Variants in PDZD9 observed in about 807,000 individuals in gnomAD.
PDZD9 encodes the protein PDZ domain-containing protein 9.
Under a neutral mutation model 16.3 loss-of-function variants are expected in PDZD9, and 13 were observed. The ratio of observed to expected loss-of-function variants is 0.80; its 90% confidence interval spans 0.52 to 1.27. The LOEUF (loss-of-function observed/expected upper bound fraction) is 1.27. Among genes scored for constraint, PDZD9 ranks in the 50% most tolerant of loss-of-function variants. PDZD9 has a pLI of 0.00. For missense variants in PDZD9, 288 were observed against 310.9 expected (o/e 0.93, Z 0.55); for synonymous variants, 120 against 111.0 (o/e 1.08, Z -0.51).
chr16:21,980,795 T>C (rs983041198), downstream of PDZD9: 2 of 1,447,282 alleles, frequency 1.4e-6, no homozygotes, highest in Non-Finnish European at 1.9e-6. Context: ...GGCAGTGTAT[T>C]ATTCTTATGT....
At chr16:21,967,996 ATTCC>A in the PDZD9 span, among the ~76,000 whole-genome samples, 53 of 143,968 alleles carry the variant, frequency 3.7e-4, no homozygotes, top group East Asian at 9.2e-3. Flanking sequence ...ATTTCTTTTT[ATTCC>A]TTTTTTTTTT....
At chr16:21,971,693 A>T in the PDZD9 span, 1 of 1,454,026 alleles carries the variant, frequency 6.9e-7, no homozygotes. Context: ...ATTGAGGTGG[A>T]ATAGGCCTGA....
intron 3 of PDZD9, 90 bp downstream of exon 3, chr16:21,988,512 C>T (rs903218717): frequency 4.6e-6 from 5 of 1,085,830 alleles, no homozygotes; most frequent in Non-Finnish European, 4.0e-6. Context: ...TGATCCTTAT[C>T]ATTTGATAAT....
downstream of PDZD9, among the ~76,000 whole-genome samples, chr16:21,979,845 CAT>C (rs1229917266): frequency 6.6e-6 from 1 of 152,170 alleles, no homozygotes; most frequent in East Asian, 1.9e-4. Context: ...GGACCACCAT[CAT>C]ATATGTGGTC....
At chr16:21,985,304 T>G (rs934480425) in intron 3 of PDZD9, among the ~76,000 whole-genome samples, 5 of 151,990 alleles carry the variant, frequency 3.3e-5, no homozygotes, top group Admixed American at 1.3e-4. Flanking sequence ...TTATTTATTT[T>G]TATTTATTTA....
intron 2 of PDZD9, among the ~76,000 whole-genome samples, chr16:21,993,013 G>T (rs569882734): frequency 6.6e-6 from 1 of 152,040 alleles, no homozygotes; most frequent in Non-Finnish European, 1.5e-5. Context: ...CCCTCCTGCC[G>T]CCTTGTGAAG....
At chr16:21,988,003 C>CTTTTTTT (rs773101505) in intron 3 of PDZD9, among the ~76,000 whole-genome samples, 2 of 100,724 alleles carry the variant, frequency 2.0e-5, no homozygotes, top group Non-Finnish European at 3.8e-5. Flanking sequence ...GCAAGAAGCA[C>CTTTTTTT]TTTTTTTTTT....
the PDZD9 span, chr16:21,971,747 G>A: frequency 1.1e-5 from 15 of 1,318,144 alleles, no homozygotes; most frequent in Non-Finnish European, 1.6e-5. Context: ...GGATGGCTTG[G>A]GTGTTGTATT....
chr16:21,959,105 T>A, the PDZD9 span, among the ~76,000 whole-genome samples: 1 of 152,236 alleles, frequency 6.6e-6, no homozygotes, highest in East Asian at 1.9e-4. Context: ...TGATGACTGA[T>A]CAAGGTGGTG....
intron 1 of PDZD9, among the ~76,000 whole-genome samples, chr16:21,998,027 A>T (rs991005029): frequency 6.6e-6 from 1 of 152,060 alleles, no homozygotes; most frequent in Non-Finnish European, 1.5e-5. Flanking sequence ...CTTCCCCCAA[A>T]CCACAGATGC....
chr16:21,964,768 T>C, the PDZD9 span, among the ~76,000 whole-genome samples: 1 of 152,204 alleles, frequency 6.6e-6, no homozygotes, highest in African/African-American at 2.4e-5. Flanking sequence ...TATTTCACAG[T>C]TTTTCCTCTT....
At chr16:21,969,806 C>G in the PDZD9 span, among the ~76,000 whole-genome samples, 9 of 151,986 alleles carry the variant, frequency 5.9e-5, no homozygotes, top group African/African-American at 1.7e-4. Flanking sequence ...AGCCCCATAC[C>G]CATTAGCAGT....
chr16:21,961,818 A>G, the PDZD9 span, among the ~76,000 whole-genome samples: 1 of 150,818 alleles, frequency 6.6e-6, no homozygotes. Context: ...TGCTTGGCTA[A>G]TTTTTGTATT....
Position 21,988,677 on chromosome 16 carries a change from C to T in PDZD9, c.326G>A (p.Arg109Gln), listed in dbSNP as rs566928964. The T allele has an allele frequency of 1.9e-6, 3 of 1,613,018 alleles. No individual in the cohort carries two copies. The highest frequency in any genetic ancestry group is 2.2e-5 in the East Asian group (1 of 44,852). ...TTCTTCAGGAATGTTAATAAAATCT[C>T]GGTAAACCTTGATTTGTAGCACTGT... ...IGTVLQIKVY[R>Q]DFINIPEEWQ... is the part of the protein sequence containing the mutation. Residue 109 changes from arginine (R) to glutamine (Q), a missense_variant, in exon 3 of 4, where the codon CGA (arginine) becomes CAA (glutamine). Arg to Gln is a conservative substitution (Grantham distance 43). Transcript: ENST00000424898.
At chr16:21,995,321 G>A (rs1057485606) in intron 2 of PDZD9, 3 of 445,786 alleles carry the variant, frequency 6.7e-6, no homozygotes, top group African/African-American at 4.0e-5. Context: ...GCAGAACCAT[G>A]AGCCAATTAA....
At chr16:22,000,864 GATGATGATGATA>G (rs1247810428) in intron 1 of PDZD9, among the ~76,000 whole-genome samples, 141 bp downstream of exon 1, 2 of 151,400 alleles carry the variant, frequency 1.3e-5, no homozygotes, top group Admixed American at 6.6e-5. Flanking sequence ...TGATGATGAT[GATGATGATGATA>G]ATGATGATGA....
At chr16:21,990,683 C>T (rs752042679) in intron 2 of PDZD9, among the ~76,000 whole-genome samples, 11 of 152,188 alleles carry the variant, frequency 7.2e-5, no homozygotes, top group Admixed American at 2.6e-4. Flanking sequence ...AAACCCTCCC[C>T]GGATGAGCTT....
the PDZD9 span, among the ~76,000 whole-genome samples, chr16:21,965,748 A>T: frequency 6.6e-6 from 1 of 152,238 alleles, no homozygotes. Context: ...AAGTAAAATC[A>T]AACAAAATGA....
chr16:21,964,216 T>C, the PDZD9 span, among the ~76,000 whole-genome samples: 1 of 152,174 alleles, frequency 6.6e-6, no homozygotes, highest in Non-Finnish European at 1.5e-5. Flanking sequence ...AAGAAATAGA[T>C]AGAATAGTAC....
Sources: allele counts gnomAD v4.1 joint callset (sites outside exome capture counted in the v4.1 genomes callset), GRCh38; gene constraint gnomAD v4.1.1; transcripts MANE v1.5; gene names NCBI Gene and HGNC (gene_info 2026-07-23, HGNC 2026-07-21).